Variants in PTPRQ observed in about 807,000 individuals in gnomAD.
The protein encoded by PTPRQ is phosphatidylinositol phosphatase PTPRQ.
In PTPRQ, 199 loss-of-function variants were observed where a neutral mutation model predicts 246.0. The observed-to-expected ratio is 0.81, with a 90% CI of 0.72 to 0.91. The LOEUF is 0.91. PTPRQ is among the 40% of genes least tolerant of loss of function. The probability of loss-of-function intolerance (pLI) is 0.00; values close to 1 mark genes in which losing one functional copy is unlikely to be tolerated. For missense variants in PTPRQ, 2,624 were observed against 2,528.4 expected (o/e 1.04, Z -0.81); for synonymous variants, 869 against 853.2 (o/e 1.02, Z -0.32).
At chr12:80,530,536 C>G (rs559770353) in intron 17 of PTPRQ, among the ~76,000 whole-genome samples, 7 of 152,082 alleles carry the variant, frequency 4.6e-5, no homozygotes, top group African/African-American at 1.7e-4. Flanking sequence ...AGAGCTCAGA[C>G]TAATAATGTT....
At chr12:80,491,088 C>A (rs542766045) in intron 9 of PTPRQ, among the ~76,000 whole-genome samples, 1 of 151,802 alleles carries the variant, frequency 6.6e-6, no homozygotes, top group African/African-American at 2.4e-5. Flanking sequence ...CAAAAGCATT[C>A]GGGTCAACTC....
At chr12:80,554,874 C>T (rs982968252) in intron 25 of PTPRQ, among the ~76,000 whole-genome samples, 2 of 152,092 alleles carry the variant, frequency 1.3e-5, no homozygotes, top group African/African-American at 4.8e-5. Flanking sequence ...TCCTGAGTAG[C>T]TAGGACTACA....
At chr12:80,582,926 G>T (rs1366749365) in intron 25 of PTPRQ, among the ~76,000 whole-genome samples, 2 of 152,184 alleles carry the variant, frequency 1.3e-5, no homozygotes, top group African/African-American at 4.8e-5. Flanking sequence ...TTCAGATAAA[G>T]CTAAAAGTCA....
At chr12:80,652,384 A>C (rs1900286211) in intron 37 of PTPRQ, among the ~76,000 whole-genome samples, 1 of 152,130 alleles carries the variant, frequency 6.6e-6, no homozygotes, top group African/African-American at 2.4e-5. Context: ...AAATCATTGA[A>C]ATCCCTTTTC....
At chr12:80,651,626 C>G (rs1037891037) in intron 37 of PTPRQ, among the ~76,000 whole-genome samples, 1 of 152,064 alleles carries the variant, frequency 6.6e-6, no homozygotes, top group African/African-American at 2.4e-5. Flanking sequence ...AACAATCAAC[C>G]TAGTGTTTGA....
chr12:80,665,241 C>T (rs886761357), intron 39 of PTPRQ, among the ~76,000 whole-genome samples: 1 of 151,990 alleles, frequency 6.6e-6, no homozygotes, highest in Non-Finnish European at 1.5e-5. Flanking sequence ...TTTCCCAGTC[C>T]ACTGACTCAA....
Position 80,541,845 on chromosome 12 carries a change from G to A in PTPRQ, c.3445G>A (p.Val1149Ile), listed in dbSNP as rs1341812602. 2 of 1,534,304 alleles carry A rather than the reference G, an allele frequency of 1.3e-6. No individual in the cohort carries two copies. The highest frequency in any genetic ancestry group is 2.1e-5 in the Admixed American group (1 of 48,058). ...AQLYIKTEED[V>I]PETSPIINTF... ...GCTATACATCAAGACTGAAGAAGAT[G>A]GTAGGCTAGACCCTTTTATTGTCTG... The change falls in exon 21 of 45, where the codon GTC (valine) becomes ATC (isoleucine). Residue 1149 changes from valine (V) to isoleucine (I), a missense_variant and splice_region_variant. By Grantham distance (29) the Val-to-Ile change is conservative. Coordinates refer to ENST00000644991, the MANE Select transcript of PTPRQ (RefSeq NM_001145026.2).
intron 8 of PTPRQ, among the ~76,000 whole-genome samples, chr12:80,478,934 C>A (rs1339300318): frequency 2.0e-5 from 3 of 152,104 alleles, no homozygotes; most frequent in Admixed American, 6.5e-5. Flanking sequence ...AGAATGCAAC[C>A]AAGTTGGAAA....
intron 29 of PTPRQ, among the ~76,000 whole-genome samples, chr12:80,614,623 T>C (rs1486103897): frequency 6.6e-6 from 1 of 150,846 alleles, no homozygotes; most frequent in South Asian, 2.1e-4. Flanking sequence ...AAAATAAATC[T>C]TTTGGGGATT....
At chr12:80,514,869 A>G (rs991434849) in intron 17 of PTPRQ, among the ~76,000 whole-genome samples, 1 of 147,672 alleles carries the variant, frequency 6.8e-6, no homozygotes, top group Admixed American at 6.8e-5. Flanking sequence ...AAAGAGTAAG[A>G]TTACATAAAG....
At position 80,565,592 on chromosome 12, in the gene PTPRQ, G is replaced by A. The variant is rs555396158; in HGVS notation, c.4285+15858G>A. Among the ~76,000 whole-genome samples, 32 of 152,168 alleles carry A rather than the reference G, an allele frequency of 2.1e-4. No individual in the cohort carries two copies. The South Asian group carries it at 6.4e-3, about 31-fold the overall frequency. On this transcript the variant is annotated intron_variant, in intron 25 of 44. Transcript: ENST00000644991. Reference sequence around the variant, plus strand: ...TTTCTTTCTGGTAACCATATGACGTGAAAGCTTCAGGAATGTGCCTGTTGT... The same window carrying A: ...TTTCTTTCTGGTAACCATATGACGTAAAAGCTTCAGGAATGTGCCTGTTGT...
chr12:80,567,498 T>C (rs1267911476), intron 25 of PTPRQ, among the ~76,000 whole-genome samples: 1 of 152,212 alleles, frequency 6.6e-6, no homozygotes, highest in Non-Finnish European at 1.5e-5. Context: ...AGTTCCCTTT[T>C]ACACCCATTC....
intron 17 of PTPRQ, among the ~76,000 whole-genome samples, chr12:80,526,698 C>T (rs1252984798): frequency 6.6e-6 from 1 of 152,014 alleles, no homozygotes; most frequent in African/African-American, 2.4e-5. Context: ...TGTAGTAAGG[C>T]AAGTACCATG....
intron 25 of PTPRQ, among the ~76,000 whole-genome samples, chr12:80,558,061 T>TCCTTC (rs553586738): frequency 2.0e-5 from 3 of 150,136 alleles, no homozygotes; most frequent in Admixed American, 2.0e-4. Flanking sequence ...CTTCCTCCCT[T>TCCTTC]CCTTCCCTTC....
intron 3 of PTPRQ, among the ~76,000 whole-genome samples, chr12:80,446,226 GTT>G (rs530783702): frequency 3.5e-5 from 5 of 142,756 alleles, no homozygotes; most frequent in Non-Finnish European, 3.1e-5. Flanking sequence ...GGGAGCTCAA[GTT>G]TTTTTTTTTT....
chr12:80,649,785 A>G (rs934443237), intron 37 of PTPRQ, 116 bp downstream of exon 37: 2 of 1,353,352 alleles, frequency 1.5e-6, no homozygotes, highest in Non-Finnish European at 1.9e-6. Context: ...GATAATCAAT[A>G]CCCAATTACC....
intron 24 of PTPRQ, 137 bp downstream of exon 24, chr12:80,546,834 T>G: frequency 9.6e-7 from 1 of 1,039,468 alleles, no homozygotes; most frequent in South Asian, 1.8e-5. Flanking sequence ...GCTTTACGTT[T>G]AGTCTTGGTC....
At chr12:80,670,600 G>T in intron 42 of PTPRQ, 108 bp downstream of exon 42, 2 of 1,373,032 alleles carry the variant, frequency 1.5e-6, no homozygotes, top group Non-Finnish European at 1.9e-6. Flanking sequence ...CCAGCTTGCC[G>T]TCTTCAGAGA....
chr12:80,600,008 A>C (rs1898090130), intron 26 of PTPRQ, among the ~76,000 whole-genome samples: 1 of 151,892 alleles, frequency 6.6e-6, no homozygotes. Context: ...GTGTAACAAG[A>C]CAGGCAATTT....
Sources: gnomAD v4.1 joint callset for allele counts (sites outside exome capture counted in the v4.1 genomes callset) on GRCh38, gnomAD v4.1.1 for gene constraint, MANE v1.5 for transcripts, NCBI Gene and HGNC (gene_info 2026-07-23, HGNC 2026-07-21) for gene names.